STPG2: variants seen among roughly 807,000 people sequenced by gnomAD.
STPG2 encodes the protein sperm-tail PG-rich repeat-containing protein 2.
In STPG2, 56 loss-of-function variants were observed where a neutral mutation model predicts 54.2. The observed-to-expected ratio is 1.03, with a 90% CI of 0.83 to 1.29. The LOEUF (loss-of-function observed/expected upper bound fraction) is 1.29. Among genes scored for constraint, STPG2 ranks in the 50% most tolerant of loss-of-function variants. The pLI is 0.00. For synonymous variants in STPG2, 200 were observed against 181.8 expected (o/e 1.10, Z -0.81); for missense variants, 596 against 544.9 (o/e 1.09, Z -0.93).
At chr4:97,596,449 A>G (rs1335444315) in intron 10 of STPG2, among the ~76,000 whole-genome samples, 1 of 152,142 alleles carries the variant, frequency 6.6e-6, no homozygotes, top group African/African-American at 2.4e-5. Context: ...TACCCAAAAC[A>G]ACAGAATATA....
chr4:97,785,586 A>G (rs1560527053), intron 9 of STPG2, among the ~76,000 whole-genome samples: 1 of 152,122 alleles, frequency 6.6e-6, no homozygotes, highest in Non-Finnish European at 1.5e-5. Flanking sequence ...TTCAAATGTT[A>G]TAGTGGTTAT....
rs552921905 is a variant in STPG2, at chr4:97,762,069, G to C, written c.1205-49255C>G. Among the ~76,000 whole-genome samples, 13 of 152,202 alleles carry C rather than the reference G, an allele frequency of 8.5e-5. No homozygotes were observed. In the South Asian group the frequency reaches 2.3e-3, roughly 27 times the overall value. ...GTCCTTGAGTTTTCAGAAAGGAAAA[G>C]AAAAGATTCTGCTTTCTATTTTTGG... is the stretch of plus-strand genomic sequence containing the variant. On this transcript the variant is annotated intron_variant, in intron 9 of 10. Transcript: ENST00000295268.
chr4:97,789,893 T>C (rs149507433), intron 9 of STPG2, among the ~76,000 whole-genome samples: 149 of 152,220 alleles, frequency 9.8e-4, no homozygotes, highest in African/African-American at 3.3e-3. Flanking sequence ...TTGCAAATTT[T>C]CTTTCTTTTT....
At position 97,840,802 on chromosome 4, in the gene STPG2, C is replaced by G. The variant is rs141666758; in HGVS notation, c.1175G>C (p.Arg392Pro). ...CCCATCAGTCACTTTTTCTAGGCAC[C>G]GAGGAGTTGCACTAAGAAAAGAGGC... ...KHASFLSATP[R>P]CLEKVTDGPG... Residue 392 changes from arginine (R) to proline (P), a missense_variant, in exon 9 of 11, where the codon CGG (arginine) becomes CCG (proline). Arg to Pro is a moderately radical substitution (Grantham distance 103, BLOSUM62 -2). Coordinates refer to ENST00000295268, the MANE Select transcript of STPG2 (RefSeq NM_174952.3). The G allele has an allele frequency of 1.2e-6, 2 of 1,611,458 alleles. No individual in the cohort carries two copies. The highest frequency in any genetic ancestry group is 1.7e-6 in the Non-Finnish European group (2 of 1,178,242).
chr4:98,137,183 G>T (rs1740157102), intron 1 of STPG2, among the ~76,000 whole-genome samples: 1 of 151,748 alleles, frequency 6.6e-6, no homozygotes, highest in Non-Finnish European at 1.5e-5. Flanking sequence ...AATCCAAAAA[G>T]CTGGAGTGCC....
At chr4:97,900,247 G>A (rs1434066887) in intron 8 of STPG2, among the ~76,000 whole-genome samples, 1 of 152,090 alleles carries the variant, frequency 6.6e-6, no homozygotes, top group African/African-American at 2.4e-5. Context: ...CAGTCAGAAT[G>A]GCTATTGTTA....
chr4:98,000,772 T>C (rs1735388552), intron 5 of STPG2, among the ~76,000 whole-genome samples: 1 of 152,190 alleles, frequency 6.6e-6, no homozygotes, highest in Non-Finnish European at 1.5e-5. Context: ...GGGTCTCAGA[T>C]GCAGCACTTA....
intron 6 of STPG2, among the ~76,000 whole-genome samples, chr4:97,974,184 C>A (rs368811206): frequency 3.3e-5 from 5 of 152,240 alleles, no homozygotes; most frequent in East Asian, 3.9e-4. Flanking sequence ...ATTTGACTGC[C>A]CCACTGGATT....
intron 10 of STPG2, among the ~76,000 whole-genome samples, chr4:97,696,487 A>G (rs549770973): frequency 7.2e-5 from 11 of 152,372 alleles, no homozygotes; most frequent in African/African-American, 2.2e-4. Flanking sequence ...GACTAAGAAC[A>G]GAAAAGCAAA....
Position 97,473,074 on chromosome 4 carries a change from C to T in STPG2, c.462+239625G>A, listed in dbSNP as rs149186178. 2.5e-3 allele frequency among the ~76,000 whole-genome samples: 376 copies of T among 152,160 alleles called. 2 individuals are homozygous for T. Among genetic ancestry groups the T allele is most frequent in the African/African-American group, 7.0e-3 (292 of 41,516 alleles). On this transcript the variant is annotated intron_variant, in intron 4 of 4. Transcript: ENST00000522676. ...CTTTAATCTCTTAATCCTGTCATCT[C>T]GTAAGCTGAGGAGGATGTATGTCAC... is the stretch of plus-strand genomic sequence containing the variant.
At position 97,879,785 on chromosome 4, in the gene STPG2, G is replaced by C. The variant is rs889815018; in HGVS notation, c.1045-38853C>G. Among the ~76,000 whole-genome samples the C allele has an allele frequency of 3.9e-5, 6 of 152,262 alleles. No homozygotes were observed. The South Asian group carries it at 1.2e-3, about 32-fold the overall frequency. On this transcript the variant is annotated intron_variant, in intron 8 of 10. Transcript: ENST00000295268. ...GTATCATCTCACACCTGTTAGAATG[G>C]TAATCAAATGAAAGACAAATGATAT... is the stretch of plus-strand genomic sequence containing the variant.
intron 3 of STPG2, among the ~76,000 whole-genome samples, chr4:98,121,239 A>T (rs1739670776): frequency 6.6e-6 from 1 of 152,148 alleles, no homozygotes. Context: ...ATTCTGTTCC[A>T]TTGGTCTACA....
At chr4:97,529,896 T>C (rs1578365269) in intron 4 of STPG2, among the ~76,000 whole-genome samples, 2 of 152,174 alleles carry the variant, frequency 1.3e-5, no homozygotes, top group Non-Finnish European at 2.9e-5. Context: ...TTTAACTCAA[T>C]CTGAAGTAGC....
chr4:97,505,652 C>T (rs2148836646), intron 4 of STPG2, among the ~76,000 whole-genome samples: 1 of 151,990 alleles, frequency 6.6e-6, no homozygotes, highest in South Asian at 2.1e-4. Context: ...AATTTTGACA[C>T]ATAGTGTGTA....
intron 9 of STPG2, among the ~76,000 whole-genome samples, chr4:97,749,050 G>A (rs1350441963): frequency 2.0e-5 from 3 of 151,602 alleles, no homozygotes. Flanking sequence ...ATATAAAGCA[G>A]ATGTTCCCAA....
chr4:98,047,572 T>C (rs964065378), intron 5 of STPG2, among the ~76,000 whole-genome samples: 5 of 152,108 alleles, frequency 3.3e-5, no homozygotes, highest in African/African-American at 1.2e-4. Flanking sequence ...TCTGTGGTCC[T>C]AGAAGACTCA....
intron 9 of STPG2, among the ~76,000 whole-genome samples, chr4:97,815,967 G>T (rs1184276344): frequency 6.6e-6 from 1 of 152,064 alleles, no homozygotes; most frequent in Admixed American, 6.6e-5. Flanking sequence ...TGCCATGGTG[G>T]TTTGTTGCAC....
At chr4:97,847,022 A>T (rs1244107002) in intron 8 of STPG2, among the ~76,000 whole-genome samples, 1 of 152,204 alleles carries the variant, frequency 6.6e-6, no homozygotes, top group Non-Finnish European at 1.5e-5. Flanking sequence ...TGTCATTATC[A>T]TTGAAGTGAC....
rs535225714 is a variant in STPG2, at chr4:97,665,072, G to A, written c.1320+47627C>T. Among the ~76,000 whole-genome samples the A allele has an allele frequency of 4.6e-5, 7 of 152,232 alleles. No individual in the cohort carries two copies. In the South Asian group the frequency reaches 8.3e-4, roughly 18 times the overall value. On this transcript the variant is annotated intron_variant, in intron 10 of 10. Transcript: ENST00000295268. ...CACAGCTGGCATCAGAGAATGCAGT[G>A]GTGCCCAGAAGCTCGGAGATGCCAG...
Sources: gnomAD v4.1 joint callset for allele counts (sites outside exome capture counted in the v4.1 genomes callset) on GRCh38, gnomAD v4.1.1 for gene constraint, MANE v1.5 for transcripts, NCBI Gene and HGNC (gene_info 2026-07-23, HGNC 2026-07-21) for gene names.